Variants in MYO3B observed in about 807,000 individuals in gnomAD.
MYO3B encodes the protein myosin IIIB.
In MYO3B, 156 loss-of-function variants were observed where a neutral mutation model predicts 174.6. The observed-to-expected ratio is 0.89, with a 90% CI of 0.78 to 1.02. The LOEUF (loss-of-function observed/expected upper bound fraction) is 1.02, where lower values mean the gene tolerates loss of function less well. Ranked by LOEUF, MYO3B falls within the 50% of genes least tolerant of loss-of-function variation. MYO3B has a pLI of 0.00. For synonymous variants in MYO3B, 563 were observed against 569.1 expected (o/e 0.99, Z 0.15); for missense variants, 1,632 against 1,639.4 (o/e 1.00, Z 0.08).
chr2:170,597,470 C>T (rs1420765676), intron 32 of MYO3B, among the ~76,000 whole-genome samples: 1 of 152,030 alleles, frequency 6.6e-6, no homozygotes, highest in African/African-American at 2.4e-5. Context: ...AGAACAACAG[C>T]AGCAAGGCCT....
intron 6 of MYO3B, among the ~76,000 whole-genome samples, chr2:170,223,491 G>A (rs576513303): frequency 1.3e-5 from 2 of 152,328 alleles, no homozygotes; most frequent in South Asian, 2.1e-4. Flanking sequence ...GCTTTGTCAG[G>A]CCAAGTGTCC....
Position 170,407,760 on chromosome 2 carries a change from C to T in MYO3B, c.2566C>T (p.Leu856Phe). ...SGVLEKNRDT[L>F]PADVVVVLRT... ...GGTTCTTGAGAAAAATAGAGACACTCTCCCTGCCGATGTGGTTGTGGTCCT... is the reference window on the plus strand; with the variant it reads ...GGTTCTTGAGAAAAATAGAGACACTTTCCCTGCCGATGTGGTTGTGGTCCT... Residue 856 changes from leucine (L) to phenylalanine (F), a missense_variant, in exon 22 of 35, where the codon CTC (leucine) becomes TTC (phenylalanine). Physicochemically the swap from Leu to Phe is conservative, Grantham distance 22. Transcript: ENST00000408978. 6.2e-7 allele frequency: 1 copy of T among 1,614,120 alleles called. No individual in the cohort carries two copies. The highest frequency in any genetic ancestry group is 8.5e-7 in the Non-Finnish European group (1 of 1,179,974).
intron 28 of MYO3B, among the ~76,000 whole-genome samples, chr2:170,513,374 T>C (rs1688100442): frequency 1.3e-5 from 2 of 152,240 alleles, no homozygotes; most frequent in Non-Finnish European, 2.9e-5. Context: ...CAGTCTCCTG[T>C]TGGTTCCTGG....
chr2:170,532,520 A>G (rs1053993854), intron 30 of MYO3B, among the ~76,000 whole-genome samples: 24 of 152,214 alleles, frequency 1.6e-4, no homozygotes, highest in Non-Finnish European at 3.1e-4. Context: ...GGGATAAAAG[A>G]GTATCAGGTA....
chr2:170,421,572 C>G (rs115183852), intron 22 of MYO3B, among the ~76,000 whole-genome samples: 1,659 of 152,308 alleles, frequency 0.011, 28 homozygotes, highest in African/African-American at 0.037. Flanking sequence ...GTGAGTCCCA[C>G]CTTACTGCCA....
At chr2:170,419,637 G>A (rs1252151347) in intron 22 of MYO3B, among the ~76,000 whole-genome samples, 2 of 152,130 alleles carry the variant, frequency 1.3e-5, no homozygotes, top group Non-Finnish European at 2.9e-5. Context: ...GGGGCATGTG[G>A]GGACTACCAC....
At chr2:170,650,140 C>A (rs1698895185) in intron 32 of MYO3B, among the ~76,000 whole-genome samples, 1 of 141,452 alleles carries the variant, frequency 7.1e-6, no homozygotes, top group African/African-American at 2.6e-5. Context: ...TCAAGTGATT[C>A]TCCTGCCTCA....
At chr2:170,449,761 GA>G (rs1683477511) in intron 23 of MYO3B, among the ~76,000 whole-genome samples, 1 of 151,164 alleles carries the variant, frequency 6.6e-6, no homozygotes, top group Non-Finnish European at 1.5e-5. Context: ...TGGGTGACAA[GA>G]GCAGAACTCT....
chr2:170,639,243 C>T (rs1697769256), intron 32 of MYO3B, among the ~76,000 whole-genome samples: 1 of 152,344 alleles, frequency 6.6e-6, no homozygotes, highest in Admixed American at 6.5e-5. Flanking sequence ...TTAGAAGCTC[C>T]AGAAGTGACA....
At chr2:170,496,808 T>C (rs1686879592) in intron 25 of MYO3B, among the ~76,000 whole-genome samples, 1 of 151,856 alleles carries the variant, frequency 6.6e-6, no homozygotes, top group South Asian at 2.1e-4. Context: ...TTAAATTTTT[T>C]GCAGCGACTG....
chr2:170,274,623 T>C (rs951270860), intron 7 of MYO3B, among the ~76,000 whole-genome samples: 4 of 152,152 alleles, frequency 2.6e-5, no homozygotes, highest in African/African-American at 9.7e-5. Flanking sequence ...GGGAACTGAC[T>C]ACAGAGGCAT....
chr2:170,400,116 C>T (rs767722412), intron 16 of MYO3B, 72 bp from the exon 17 acceptor site: 10 of 1,574,680 alleles, frequency 6.4e-6, no homozygotes, highest in Non-Finnish European at 8.7e-6. Flanking sequence ...TAGTAGTTTC[C>T]ACTACAGGTC....
intron 7 of MYO3B, among the ~76,000 whole-genome samples, chr2:170,241,528 A>T (rs1003357755): frequency 6.6e-6 from 1 of 152,230 alleles, no homozygotes; most frequent in Non-Finnish European, 1.5e-5. Context: ...TGAGTTGCAG[A>T]GATGACAGAG....
intron 32 of MYO3B, among the ~76,000 whole-genome samples, chr2:170,592,860 A>G (rs540119373): frequency 1.7e-4 from 26 of 152,270 alleles, no homozygotes; most frequent in Non-Finnish European, 3.5e-4. Context: ...ATAGATAGAT[A>G]TAGATACATA....
chr2:170,418,678 A>G (rs1022874458), intron 22 of MYO3B, among the ~76,000 whole-genome samples: 2 of 152,178 alleles, frequency 1.3e-5, no homozygotes, highest in African/African-American at 2.4e-5. Context: ...GGAAAGGTCT[A>G]AGAGTTGTTA....
intron 7 of MYO3B, among the ~76,000 whole-genome samples, chr2:170,313,728 C>T (rs2093755238): frequency 6.6e-6 from 1 of 152,168 alleles, no homozygotes; most frequent in African/African-American, 2.4e-5. Flanking sequence ...CCACGCCCAC[C>T]TCTTGGCCAC....
At chr2:170,490,028 C>CTTTTTTTTTTTTTTTTTTTTTTT (rs751661221) in intron 25 of MYO3B, among the ~76,000 whole-genome samples, 1 of 145,890 alleles carries the variant, frequency 6.9e-6, no homozygotes, top group African/African-American at 2.6e-5. Flanking sequence ...AGTTTCTTTT[C>CTTTTTTTTTTTTTTTTTTTTTTT]TTTCTTTTTT....
intron 7 of MYO3B, among the ~76,000 whole-genome samples, chr2:170,288,584 C>T (rs1046900260): frequency 6.6e-6 from 1 of 151,982 alleles, no homozygotes; most frequent in African/African-American, 2.4e-5. Flanking sequence ...TGCAACTTTA[C>T]TGAATTTGTT....
intron 30 of MYO3B, among the ~76,000 whole-genome samples, chr2:170,521,712 C>T (rs1688678938): frequency 6.6e-6 from 1 of 151,852 alleles, no homozygotes; most frequent in African/African-American, 2.4e-5. Context: ...TTGCTTATAC[C>T]TCCCCCCATA....
Sources: allele counts gnomAD v4.1 joint callset (sites outside exome capture counted in the v4.1 genomes callset), GRCh38; gene constraint gnomAD v4.1.1; transcripts MANE v1.5; gene names NCBI Gene and HGNC (gene_info 2026-07-23, HGNC 2026-07-21).